NAA11: variants seen among roughly 807,000 people sequenced by gnomAD.
NAA11 encodes the protein N-alpha-acetyltransferase 11.
A neutral mutation model predicts 16.1 loss-of-function variants in NAA11; 15 were observed. The observed-to-expected ratio is 0.93, with a 90% CI of 0.62 to 1.44. The LOEUF (loss-of-function observed/expected upper bound fraction) is 1.44. NAA11 is among the 40% of genes most tolerant of loss of function. NAA11 has a pLI of 0.00. For synonymous variants in NAA11, 122 were observed against 112.4 expected, an observed-to-expected ratio of 1.09 and a Z score of -0.54; for missense variants, 298 against 291.3, an observed-to-expected ratio of 1.02 and a Z score of -0.17.
At chr4:79,305,490 G>A (rs949582951) in intron 1 of NAA11, among the ~76,000 whole-genome samples, 6 of 152,094 alleles carry the variant, frequency 3.9e-5, no homozygotes, top group Admixed American at 6.6e-5. Flanking sequence ...TAGAAAAGCC[G>A]GTATGGCTCA....
chr4:79,210,883 C>T, the NAA11 span, among the ~76,000 whole-genome samples: 9 of 152,188 alleles, frequency 5.9e-5, no homozygotes, highest in African/African-American at 9.6e-5. Context: ...TGTAAAATGG[C>T]GAGAGTGATG....
intron 1 of NAA11, chr4:79,299,506 G>A (rs1201637467): frequency 6.6e-6 from 1 of 152,126 alleles, no homozygotes; most frequent in Non-Finnish European, 1.5e-5. Context: ...CTTATGGTTT[G>A]ACTTTATATC....
At chr4:79,168,604 C>T in the NAA11 span, among the ~76,000 whole-genome samples, 1 of 152,164 alleles carries the variant, frequency 6.6e-6, no homozygotes, top group East Asian at 1.9e-4. Context: ...TTTTGATTTG[C>T]ATTTCTCTAA....
At chr4:79,236,708 C>A (rs1366224780) in intron 2 of NAA11, among the ~76,000 whole-genome samples, 3 of 152,048 alleles carry the variant, frequency 2.0e-5, no homozygotes, top group Admixed American at 6.6e-5. Context: ...ATCCAAGTTT[C>A]GTTATGACGT....
chr4:79,325,450 T>C lies in NAA11; in HGVS notation c.428A>G (p.Asp143Gly). The change falls in exon 1 of 2, where the codon GAT becomes GGT. Residue 143 changes from aspartate to glycine, a missense_variant. Transcript: ENST00000286794. Reference sequence around the variant, plus strand: ...GAGATCCCGCTTCATAGCATAAGCATCTTCCCCATCTGCATAGTATTTAGG... The same window carrying C: ...GAGATCCCGCTTCATAGCATAAGCACCTTCCCCATCTGCATAGTATTTAGG... ...VEPKYYADGE[D>G]AYAMKRDLSQ... 1 of 1,614,210 alleles carries C rather than the reference T, an allele frequency of 6.2e-7. No homozygotes were observed. The highest frequency in any genetic ancestry group is 8.5e-7 in the Non-Finnish European group (1 of 1,180,034).
chr4:79,232,437 C>T (rs951662066), intron 2 of NAA11, among the ~76,000 whole-genome samples: 5 of 151,872 alleles, frequency 3.3e-5, no homozygotes, highest in African/African-American at 7.2e-5. Context: ...AGTTTCTTTC[C>T]TATGTTAATG....
intron 1 of NAA11, among the ~76,000 whole-genome samples, chr4:79,323,231 A>G (rs1724153636): frequency 6.6e-6 from 1 of 152,214 alleles, no homozygotes; most frequent in Admixed American, 6.5e-5. Flanking sequence ...TAAAGCCTGT[A>G]AACTGCCAGT....
At chr4:79,313,616 C>T (rs573620792), downstream of NAA11, among the ~76,000 whole-genome samples, 6 of 152,220 alleles carry the variant, frequency 3.9e-5, no homozygotes, top group African/African-American at 1.2e-4. Flanking sequence ...CTTCACAAAA[C>T]GTAATTCCCA....
At chr4:79,220,757 T>G (rs969481885), downstream of NAA11, among the ~76,000 whole-genome samples, 3 of 152,322 alleles carry the variant, frequency 2.0e-5, no homozygotes, top group Admixed American at 6.5e-5. Context: ...ACCAGTACCA[T>G]GCTGTTTTGG....
At chr4:79,183,594 G>T in the NAA11 span, among the ~76,000 whole-genome samples, 1 of 151,980 alleles carries the variant, frequency 6.6e-6, no homozygotes. Flanking sequence ...ATTTTGCTAG[G>T]ATGCTCTTGT....
intron 2 of NAA11, among the ~76,000 whole-genome samples, chr4:79,284,536 T>C (rs888538227): frequency 2.0e-5 from 3 of 152,010 alleles, no homozygotes; most frequent in Non-Finnish European, 4.4e-5. Context: ...CATAACAGAT[T>C]CTAGTTATTG....
Position 79,325,214 on chromosome 4 carries a change from A to C in NAA11, c.664T>G (p.Ser222Ala), listed in dbSNP as rs377126580. The change falls in exon 1 of 2, where the codon TCA becomes GCA. Residue 222 changes from serine (S) to alanine (A), a missense_variant. Ser to Ala is a moderately conservative substitution (Grantham distance 99). Transcript: ENST00000286794. ...TAGGAGGTGGAATCCGAGCTTTCTG[A>C]GCTGTCCTGGACGTTGGTGCTCTCC... is the stretch of plus-strand genomic sequence containing the variant. The part of the protein sequence containing the change: ...SVESTNVQDS[S>A]ESSDSTS The C allele has an allele frequency of 6.2e-7, 1 of 1,612,186 alleles. No homozygotes were observed. The highest frequency in any genetic ancestry group is 1.3e-5 in the African/African-American group (1 of 74,996).
intron 2 of NAA11, among the ~76,000 whole-genome samples, chr4:79,264,028 T>G (rs1400688282): frequency 6.6e-6 from 1 of 152,190 alleles, no homozygotes; most frequent in Admixed American, 6.5e-5. Flanking sequence ...ATTATAGGCA[T>G]GAGCCACTGT....
the NAA11 span, among the ~76,000 whole-genome samples, chr4:79,219,674 C>T: frequency 1.3e-5 from 2 of 152,052 alleles, no homozygotes; most frequent in Admixed American, 6.6e-5. Context: ...ATATATACCT[C>T]CATTTCACAT....
At position 79,325,970 on chromosome 4, in the gene NAA11, T is replaced by A; in HGVS notation, c.-93A>T. 9.0e-7 allele frequency: 1 copy of A among 1,109,620 alleles called. No homozygotes were observed. The highest frequency in any genetic ancestry group is 1.3e-6 in the Non-Finnish European group (1 of 776,014). 68.7% of individuals were successfully genotyped at this position (1,109,620 alleles called of 1,614,324 possible). ...GGCACTGTTTGCCTCAGGAATCGAG[T>A]CCAGGGGGCTAACACCACCGGGCTG... On this transcript the variant is annotated 5_prime_UTR_variant, in exon 1 of 2. Coordinates refer to ENST00000286794, the MANE Select transcript of NAA11 (RefSeq NM_032693.3).
At chr4:79,291,167 T>G (rs1404548905) in intron 2 of NAA11, among the ~76,000 whole-genome samples, 1 of 152,156 alleles carries the variant, frequency 6.6e-6, no homozygotes, top group East Asian at 1.9e-4. Flanking sequence ...TACAGCACCA[T>G]ATAAAGAATC....
At chr4:79,266,362 A>G (rs1379238235) in intron 2 of NAA11, among the ~76,000 whole-genome samples, 4 of 152,212 alleles carry the variant, frequency 2.6e-5, no homozygotes, top group Non-Finnish European at 1.5e-5. Flanking sequence ...AAAAACAACA[A>G]ATCACATAGA....
At position 79,246,344 on chromosome 4, in the gene NAA11, TCC is replaced by T. The variant is rs1373275133; in HGVS notation, c.*123-20076_*123-20075del. Among the ~76,000 whole-genome samples, 70 of 118,848 alleles carry T rather than the reference TCC, an allele frequency of 5.9e-4. 1 individual carries two copies. The highest frequency in any genetic ancestry group is 1.2e-4 in the Non-Finnish European group (7 of 60,444). The allele number at this position is 118,848 out of a possible 152,430, so 78.0% of individuals were successfully genotyped here. A position where few individuals can be genotyped will look rare whatever the true frequency, so the allele number is the denominator to read the frequency against. On this transcript the variant is annotated intron_variant and NMD_transcript_variant, in intron 2 of 2. Coordinates refer to the NAA11 transcript ENST00000511542. ...CCTATGACCCTGCCAAATCCCTCTC[TCC>T]GAGAAACACCCAAGAATAATCAATA... is the stretch of plus-strand genomic sequence containing the variant.
At chr4:79,261,453 T>C (rs1472890172) in intron 2 of NAA11, among the ~76,000 whole-genome samples, 1 of 152,156 alleles carries the variant, frequency 6.6e-6, no homozygotes, top group Non-Finnish European at 1.5e-5. Context: ...TAAGAATCAG[T>C]GTAATAGAAA....
Sources: gnomAD v4.1 joint callset for allele counts (sites outside exome capture counted in the v4.1 genomes callset) on GRCh38, gnomAD v4.1.1 for gene constraint, MANE v1.5 for transcripts, NCBI Gene and HGNC (gene_info 2026-07-23, HGNC 2026-07-21) for gene names.